Variants in RBM33 observed in about 807,000 individuals in gnomAD.
RBM33 encodes the protein RNA binding motif protein 33, also known as RNA-binding protein 33.
Under a neutral mutation model 132.6 loss-of-function variants are expected in RBM33, and 28 were observed. That is an observed-to-expected ratio of 0.21 (90% CI 0.16 to 0.29). RBM33 has a LOEUF of 0.29. RBM33 is among the 10% of genes least tolerant of loss of function. RBM33 has a pLI of 1.00. For missense variants in RBM33, 1,291 were observed against 1,518.5 expected (o/e 0.85, Z 2.49); for synonymous variants, 634 against 593.0 (o/e 1.07, Z -1.01).
chr7:155,716,954 A>G (rs1800479402), intron 8 of RBM33, among the ~76,000 whole-genome samples: 1 of 152,188 alleles, frequency 6.6e-6, no homozygotes, highest in South Asian at 2.1e-4. Flanking sequence ...CATGTATGCT[A>G]TCACTTGAAA....
chr7:155,765,325 G>A (rs1279412068), intron 15 of RBM33, among the ~76,000 whole-genome samples: 1 of 152,212 alleles, frequency 6.6e-6, no homozygotes, highest in African/African-American at 2.4e-5. Flanking sequence ...TTTCCAGCCA[G>A]GGTAACTGTA....
intron 4 of RBM33, among the ~76,000 whole-genome samples, 157 bp downstream of exon 4, chr7:155,678,841 C>T (rs1266485228): frequency 6.6e-6 from 1 of 152,018 alleles, no homozygotes. Flanking sequence ...CTGTAGAAGC[C>T]ATATGGATGT....
intron 1 of RBM33, among the ~76,000 whole-genome samples, chr7:155,654,306 C>G (rs760891441): frequency 6.6e-6 from 1 of 152,260 alleles, no homozygotes; most frequent in Non-Finnish European, 1.5e-5. Context: ...GTTTCTTCAC[C>G]GTGATGCTAA....
At chr7:155,655,217 T>A (rs949429606) in intron 1 of RBM33, among the ~76,000 whole-genome samples, 3 of 152,102 alleles carry the variant, frequency 2.0e-5, no homozygotes, top group African/African-American at 7.2e-5. Flanking sequence ...ATTGGAGAAT[T>A]CCCCCCCATT....
chr7:155,687,227 C>T (rs1799507818), intron 5 of RBM33, among the ~76,000 whole-genome samples: 1 of 152,150 alleles, frequency 6.6e-6, no homozygotes. Flanking sequence ...TCTCTGATGG[C>T]CAGTGATAAT....
chr7:155,732,313 T>C lies in RBM33; in HGVS notation c.1261-5217T>C, dbSNP rs978744141. On this transcript the variant is annotated intron_variant, in intron 9 of 17. Coordinates refer to ENST00000401878, the MANE Select transcript of RBM33 (RefSeq NM_053043.3). ...ACCCAGTGATGCTGATTTCCGGCTG[T>C]TAATACAATAAAAAAGTTTAAGGGT... 4.6e-5 allele frequency among the ~76,000 whole-genome samples: 7 copies of C among 152,362 alleles called. No homozygotes were observed. In the East Asian group the frequency reaches 1.3e-3, roughly 29 times the overall value.
chr7:155,745,463 C>T lies in RBM33; in HGVS notation c.2840C>T (p.Pro947Leu), dbSNP rs779131099. 6.2e-7 allele frequency: 1 copy of T among 1,613,838 alleles called. No homozygotes were observed. The highest frequency in any genetic ancestry group is 1.1e-5 in the South Asian group (1 of 91,030). ...GAGGAGCCAGCTGTCCCCCAGACTC[C>T]TCGAGTGGCGTCCATCCAGGGCCGG... Reference protein sequence around the residue: ...DVEEPAVPQTPRVASIQGRPQ... With the variant: ...DVEEPAVPQTLRVASIQGRPQ... Residue 947 changes from proline to leucine, a missense_variant, in exon 14 of 18, where the codon CCT becomes CTT. Pro to Leu is a moderately conservative substitution (Grantham distance 98). Coordinates refer to ENST00000401878, the MANE Select transcript of RBM33 (RefSeq NM_053043.3). This position sits in a 1 kb window ranked among gnomAD's most constrained non-coding sequence, Gnocchi z 4.1.
intron 10 of RBM33, 31 bp downstream of exon 10, chr7:155,737,693 AAC>A (rs1205264443): frequency 6.5e-7 from 1 of 1,529,204 alleles, no homozygotes; most frequent in Non-Finnish European, 8.7e-7. Context: ...GTGGAGTAAC[AAC>A]AGAAGCTGCA....
At chr7:155,661,143 TA>T (rs1375555453) in intron 1 of RBM33, among the ~76,000 whole-genome samples, 807 of 79,366 alleles carry the variant, frequency 0.01, 32 homozygotes, top group African/African-American at 0.033. Flanking sequence ...TATATATATA[TA>T]TATTTTTTTT....
In RBM33 at chr7:155,745,411, G is replaced by A; in HGVS notation, c.2788G>A (p.Val930Met). Reference protein sequence around the residue: ...PQSQTQPLHKVLPIKPADVEE... With the variant: ...PQSQTQPLHKMLPIKPADVEE... ...AAGTCAGACTCAGCCGCTGCATAAA[G>A]TGCTCCCGATCAAACCTGCAGATGT... is the stretch of plus-strand genomic sequence containing the variant. The change falls in exon 14 of 18, where the codon GTG becomes ATG. Residue 930 changes from valine (V) to methionine (M), a missense_variant. Coordinates refer to ENST00000401878, the MANE Select transcript of RBM33 (RefSeq NM_053043.3). This position sits in a 1 kb window ranked among gnomAD's most constrained non-coding sequence, Gnocchi z 4.1. 1 of 1,613,788 alleles carries A rather than the reference G, an allele frequency of 6.2e-7. No homozygotes were observed. Among genetic ancestry groups the A allele is most frequent in the East Asian group, 2.2e-5 (1 of 44,886 alleles).
chr7:155,768,593 A>G (rs1374843898), intron 16 of RBM33, among the ~76,000 whole-genome samples: 1 of 152,082 alleles, frequency 6.6e-6, no homozygotes, highest in Non-Finnish European at 1.5e-5. Context: ...TTAATTTTAG[A>G]AGATTCTAGT....
At chr7:155,686,587 G>A (rs10277235) in intron 5 of RBM33, among the ~76,000 whole-genome samples, 5 of 151,434 alleles carry the variant, frequency 3.3e-5, no homozygotes, top group Admixed American at 2.0e-4. Flanking sequence ...CCATTAACTC[G>A]TCGTTTACAT....
rs762485406 is a variant in RBM33, at chr7:155,745,019, G to T, written c.2396G>T (p.Arg799Leu). 7 of 1,609,104 alleles carry T rather than the reference G, an allele frequency of 4.4e-6. No homozygotes were observed. The highest frequency in any genetic ancestry group is 1.7e-4 in the Middle Eastern group (1 of 6,002). ...CGCTTAAAGATAGAAGAACAGAAAC[G>T]CCTAAGAGAAGAAATCCTGAAACAG... is the stretch of plus-strand genomic sequence containing the variant. ...LYRLKIEEQK[R>L]LREEILKQKE... Residue 799 changes from arginine (R) to leucine (L), a missense_variant, in exon 14 of 18, where the codon CGC becomes CTC. Coordinates refer to ENST00000401878, the MANE Select transcript of RBM33 (RefSeq NM_053043.3). This position sits in a 1 kb window ranked among gnomAD's most constrained non-coding sequence, Gnocchi z 4.1.
In RBM33 at chr7:155,777,793, A is replaced by T. The variant is rs1267826586; in HGVS notation, c.*2752A>T. 1 of 152,636 alleles carries T rather than the reference A, an allele frequency of 6.6e-6. No individual in the cohort carries two copies. Among genetic ancestry groups the T allele is most frequent in the African/African-American group, 2.4e-5 (1 of 41,436 alleles). 9.5% of individuals were successfully genotyped at this position (152,636 alleles called of 1,614,324 possible). ...CACAGTTGTTGATGTGTTTGTGTGT[A>T]TATTCGATTTTTATAAAGATGGTAG... On this transcript the variant is annotated 3_prime_UTR_variant, in exon 18 of 18. Transcript: ENST00000401878.
Position 155,775,213 on chromosome 7 carries a change from C to G in RBM33, c.*172C>G. On this transcript the variant is annotated 3_prime_UTR_variant, in exon 18 of 18. Coordinates refer to ENST00000401878, the MANE Select transcript of RBM33 (RefSeq NM_053043.3). ...CGGGCCTGATTCCAGAGGAGCCGAA[C>G]TGACAGGACACAGCAGGCTGGAGTT... The G allele has an allele frequency of 1.4e-6, 1 of 713,490 alleles. No individual in the cohort carries two copies. The highest frequency in any genetic ancestry group is 2.6e-6 in the Non-Finnish European group (1 of 387,624). The allele number at this position is 713,490 out of a possible 1,614,324, so 44.2% of individuals were successfully genotyped here.
intron 5 of RBM33, among the ~76,000 whole-genome samples, chr7:155,694,797 T>G (rs1003493854): frequency 6.6e-5 from 10 of 152,210 alleles, no homozygotes; most frequent in African/African-American, 2.4e-4. Flanking sequence ...TTGTTCATTC[T>G]CCCAATGATA....
intron 5 of RBM33, chr7:155,685,172 G>A (rs1799442496): frequency 1.9e-6 from 2 of 1,056,580 alleles, no homozygotes; most frequent in South Asian, 3.4e-5. Context: ...TGAGTGTATA[G>A]TGAAAAACTT....
At chr7:155,741,450 C>T (rs888927084) in intron 12 of RBM33, among the ~76,000 whole-genome samples, 6 of 152,186 alleles carry the variant, frequency 3.9e-5, no homozygotes, top group Non-Finnish European at 7.3e-5. Context: ...ATGTGAATCC[C>T]GTTGATCTCT....
rs755731736 is a variant in RBM33 at position 155,741,909 on chromosome 7, G to A, written c.2140G>A (p.Ala714Thr). 31 of 1,613,888 alleles carry A rather than the reference G, an allele frequency of 1.9e-5. No individual in the cohort carries two copies. Among genetic ancestry groups the A allele is most frequent in the Admixed American group, 1.5e-4 (9 of 60,006 alleles). Residue 714 changes from alanine to threonine, a missense_variant, in exon 13 of 18, where the codon GCG becomes ACG. Coordinates refer to ENST00000401878, the MANE Select transcript of RBM33 (RefSeq NM_053043.3). ...RNSNLRELPI[A>T]PSHVIEMSSS... ...CAGCAATTTGCGTGAATTACCCATA[G>A]CGCCGTCACACGTGATAGAAATGAG... is the stretch of plus-strand genomic sequence containing the variant.
Sources: allele counts gnomAD v4.1 joint callset (sites outside exome capture counted in the v4.1 genomes callset), GRCh38; gene constraint gnomAD v4.1.1; non-coding constraint Gnocchi (gnomAD v3.1); transcripts MANE v1.5; gene names NCBI Gene and HGNC (gene_info 2026-07-23, HGNC 2026-07-21).